The following TMEM59L variants were observed in gnomAD, a reference collection of about 807,000 sequenced individuals.
TMEM59L encodes transmembrane protein 59 like, also known as transmembrane protein 59-like.
In TMEM59L, 31 loss-of-function variants were observed where a neutral mutation model predicts 39.6. The observed-to-expected ratio is 0.78, with a 90% CI of 0.59 to 1.06. TMEM59L has a LOEUF of 1.06. TMEM59L is among the 50% of genes least tolerant of loss of function. The pLI, the probability that TMEM59L is intolerant of heterozygous loss-of-function variation, is 0.00. For synonymous variants in TMEM59L, 219 were observed against 202.9 expected, an observed-to-expected ratio of 1.08 and a Z score of -0.68; for missense variants, 441 against 451.3, an observed-to-expected ratio of 0.98 and a Z score of 0.21.
chr19:18,618,496 G>T lies in TMEM59L; in HGVS notation c.900+4G>T, dbSNP rs766095934. 1.2e-5 allele frequency: 19 copies of T among 1,599,902 alleles called. No individual in the cohort carries two copies. Among genetic ancestry groups the T allele is most frequent in the Non-Finnish European group, 1.4e-5 (17 of 1,176,104 alleles). ...TGGCCAGCACCTCAAGTTCCAGGTGGGTGGGATCTGTGAATGGCGCTGGGC... is the reference window on the plus strand; with the variant it reads ...TGGCCAGCACCTCAAGTTCCAGGTGTGTGGGATCTGTGAATGGCGCTGGGC... On this transcript the variant is annotated splice_donor_region_variant and intron_variant, in intron 7 of 7. Coordinates refer to ENST00000262817, the MANE Select transcript of TMEM59L (RefSeq NM_012109.3).
At chr19:18,617,277 A>G (rs938226700) in intron 5 of TMEM59L, 175 bp downstream of exon 5, 34 of 686,998 alleles carry the variant, frequency 4.9e-5, no homozygotes, top group Non-Finnish European at 7.5e-5. Context: ...TCCACCTCCC[A>G]GGGTTCCATG....
At chr19:18,618,347 G>C in intron 6 of TMEM59L, 28 bp from the exon 7 acceptor site, 2 of 1,609,346 alleles carry the variant, frequency 1.2e-6, no homozygotes, top group Non-Finnish European at 1.7e-6. Context: ...GGCCTGGGCA[G>C]CTGAGTGGTG....
chr19:18,613,792 C>T lies in TMEM59L; in HGVS notation c.172-80C>T, dbSNP rs997423055. 8.5e-6 allele frequency: 10 copies of T among 1,177,614 alleles called. No individual in the cohort carries two copies. The East Asian group carries it at 2.1e-4, about 25-fold the overall frequency. 72.9% of individuals were successfully genotyped at this position (1,177,614 alleles called of 1,614,324 possible). On this transcript the variant is annotated intron_variant, in intron 1 of 7. Transcript: ENST00000262817. ...TGGGGAGCGGGGAAGCCTTTCCCTG[C>T]CTCTGCTGAATGCTCCGGTCCCCCC...
chr19:18,616,544 C>G (rs1394974204), intron 4 of TMEM59L, among the ~76,000 whole-genome samples: 1 of 152,112 alleles, frequency 6.6e-6, no homozygotes, highest in Non-Finnish European at 1.5e-5. Context: ...AGGCGGCCAC[C>G]ACCACACCCA....
intron 7 of TMEM59L, 45 bp from the exon 8 acceptor site, chr19:18,620,363 C>T: frequency 1.9e-6 from 3 of 1,554,920 alleles, no homozygotes; most frequent in East Asian, 2.3e-5. Context: ...GGGGGCTCGG[C>T]CTCTCCCCGT....
At chr19:18,618,641 A>T (rs1038088776) in intron 7 of TMEM59L, 149 bp downstream of exon 7, 4 of 538,778 alleles carry the variant, frequency 7.4e-6, no homozygotes, top group African/African-American at 2.4e-5. Flanking sequence ...ATATATATAC[A>T]TATACGTGTG....
In TMEM59L at chr19:18,617,288, G is replaced by T. The variant is rs182272464; in HGVS notation, c.664+186G>T. 4.5e-4 allele frequency: 305 copies of T among 679,044 alleles called. 1 individual carries two copies. Among genetic ancestry groups the T allele is most frequent in the African/African-American group, 2.7e-3 (155 of 56,434 alleles). 42.1% of individuals were successfully genotyped at this position (679,044 alleles called of 1,614,324 possible). ...ATGGTCCACCTCCCAGGGTTCCATG[G>T]TCCACTTCTCAGGGTTCCGTGGTCT... On this transcript the variant is annotated intron_variant, in intron 5 of 7. Transcript: ENST00000262817.
intron 7 of TMEM59L, 122 bp from the exon 8 acceptor site, chr19:18,620,286 A>T: frequency 1.0e-6 from 1 of 976,310 alleles, no homozygotes; most frequent in Non-Finnish European, 1.5e-6. Context: ...TGGGTGACAG[A>T]GAGAGACTCT....
At chr19:18,617,197 C>T in intron 5 of TMEM59L, 95 bp downstream of exon 5, 1 of 927,772 alleles carries the variant, frequency 1.1e-6, no homozygotes, top group East Asian at 2.5e-5. Context: ...TCGGGATCTC[C>T]ATCTCTCAAG....
At position 18,613,922 on chromosome 19, in the gene TMEM59L, C is replaced by A; in HGVS notation, c.222C>A (p.Ile74=). The A allele has an allele frequency of 6.2e-7, 1 of 1,612,900 alleles. No individual in the cohort carries two copies. Among genetic ancestry groups the A allele is most frequent in the Non-Finnish European group, 8.5e-7 (1 of 1,179,922 alleles). Residue 74 remains isoleucine (I), a synonymous_variant, in exon 2 of 8, where the codon ATC becomes ATA. Coordinates refer to ENST00000262817, the MANE Select transcript of TMEM59L (RefSeq NM_012109.3). ...SESPYDRAVL[I]SACERGCRLF... is the part of the protein sequence containing the mutation. ...CTCCCTATGACAGAGCCGTTCTGAT[C>A]AGCGCTTGCGAGCGTGGCTGCCGCC...
At chr19:18,613,687 C>G (rs1976395177) in intron 1 of TMEM59L, among the ~76,000 whole-genome samples, 185 bp from the exon 2 acceptor site, 1 of 152,184 alleles carries the variant, frequency 6.6e-6, no homozygotes, top group Admixed American at 6.5e-5. Context: ...AGCTCCCTCC[C>G]CATCTCCCTC....
chr19:18,618,632 T>C (rs955613206), intron 7 of TMEM59L, 140 bp downstream of exon 7: 2 of 576,304 alleles, frequency 3.5e-6, no homozygotes, highest in Admixed American at 6.1e-5. Flanking sequence ...TGTATATACA[T>C]ATATATACAT....
chr19:18,614,066 A>G (rs1976401945), intron 2 of TMEM59L, 38 bp from the exon 3 acceptor site: 1 of 1,612,652 alleles, frequency 6.2e-7, no homozygotes, highest in Admixed American at 1.7e-5. Context: ...GTGGCCTGGG[A>G]AGGGCCGTCC....
chr19:18,616,380 GTTTTTT>G (rs773607889), intron 4 of TMEM59L, among the ~76,000 whole-genome samples: 2 of 94,520 alleles, frequency 2.1e-5, no homozygotes, highest in African/African-American at 8.2e-5. Context: ...AAACGCTGTG[GTTTTTT>G]TTTGTTGTTG....
Position 18,614,200 on chromosome 19 carries a change from G to A in TMEM59L, c.408+5G>A, listed in dbSNP as rs748594761. On this transcript the variant is annotated splice_donor_5th_base_variant and intron_variant, in intron 3 of 7. Transcript: ENST00000262817. ...GAGCCTGAGCCGGAGCAGAAGGTGG[G>A]CCTCCCACTGCGGCCTGGGGTCCCT... is the stretch of plus-strand genomic sequence containing the variant. 4 of 1,586,356 alleles carry A rather than the reference G, an allele frequency of 2.5e-6. No individual in the cohort carries two copies. Among genetic ancestry groups the A allele is most frequent in the Admixed American group, 3.6e-5 (2 of 56,050 alleles).
At chr19:18,613,843 C>G in intron 1 of TMEM59L, 29 bp from the exon 2 acceptor site, 2 of 1,565,738 alleles carry the variant, frequency 1.3e-6, no homozygotes, top group Non-Finnish European at 1.7e-6. Context: ...CTCCCCATGG[C>G]CTGAGCCCCC....
chr19:18,619,505 T>A (rs914398104), intron 7 of TMEM59L, among the ~76,000 whole-genome samples: 4 of 152,112 alleles, frequency 2.6e-5, no homozygotes, highest in African/African-American at 9.7e-5. Flanking sequence ...ACAAATCATT[T>A]AAAAATTAGC....
chr19:18,615,099 CA>C (rs1976413727), intron 3 of TMEM59L, among the ~76,000 whole-genome samples: 1 of 152,182 alleles, frequency 6.6e-6, no homozygotes, highest in Admixed American at 6.6e-5. Context: ...TCTCCTGCCT[CA>C]GCCTCCTTTG....
chr19:18,618,054 G>T (rs770931777), intron 5 of TMEM59L, 101 bp from the exon 6 acceptor site: 8 of 849,926 alleles, frequency 9.4e-6, no homozygotes, highest in Non-Finnish European at 1.6e-5. Flanking sequence ...CTCCATTCCA[G>T]GACTCTATGC....
Sources: allele counts gnomAD v4.1 joint callset (sites outside exome capture counted in the v4.1 genomes callset), GRCh38; gene constraint gnomAD v4.1.1; transcripts MANE v1.5; gene names NCBI Gene and HGNC (gene_info 2026-07-23, HGNC 2026-07-21).